MMD2: variants seen among roughly 807,000 people sequenced by gnomAD.
MMD2 encodes the protein monocyte to macrophage differentiation associated 2, also known as monocyte to macrophage differentiation factor 2.
A neutral mutation model predicts 33.5 loss-of-function variants in MMD2; 30 were observed. The ratio of observed to expected loss-of-function variants is 0.90; its 90% CI spans 0.67 to 1.22. The LOEUF (loss-of-function observed/expected upper bound fraction) is 1.22. MMD2 is among the 50% of genes most tolerant of loss of function. The pLI is 0.00. For missense variants in MMD2, 364 were observed against 325.4 expected (o/e 1.12, Z -0.91); for synonymous variants, 129 against 123.0 (o/e 1.05, Z -0.32).
chr7:4,921,384 G>T (rs1785279865), intron 2 of MMD2, among the ~76,000 whole-genome samples: 1 of 151,974 alleles, frequency 6.6e-6, no homozygotes, highest in East Asian at 1.9e-4. Context: ...ACTTTAGGAG[G>T]CCGAGGCGGG....
At chr7:4,893,072 G>A in the MMD2 span, among the ~76,000 whole-genome samples, 1 of 152,068 alleles carries the variant, frequency 6.6e-6, no homozygotes, top group East Asian at 1.9e-4. Context: ...CTATGCACTC[G>A]TCTTGCTGTA....
At chr7:4,939,375 C>A (rs1369346643) in intron 1 of MMD2, among the ~76,000 whole-genome samples, 2 of 147,242 alleles carry the variant, frequency 1.4e-5, no homozygotes, top group African/African-American at 2.5e-5. Flanking sequence ...CCTTTCTCTA[C>A]AAAAAAAAAA....
rs1784866363 is a variant in MMD2, at chr7:4,906,317, C to T, written c.*1079G>A. 5.1e-6 allele frequency: 2 copies of T among 394,458 alleles called. No individual in the cohort carries two copies. Among genetic ancestry groups the T allele is most frequent in the Non-Finnish European group, 8.9e-6 (2 of 223,896 alleles). 24.4% of individuals were successfully genotyped at this position (394,458 alleles called of 1,614,324 possible). On this transcript the variant is annotated 3_prime_UTR_variant, in exon 7 of 7. Coordinates refer to ENST00000401401, the MANE Select transcript of MMD2 (RefSeq NM_198403.4). ...CCCCAGCAGCCTTGTTGTTGGGCTA[C>T]TGAGCACTTCAGAGGTTGGGAGGAC...
intron 1 of MMD2, among the ~76,000 whole-genome samples, chr7:4,930,671 G>A (rs1458949083): frequency 8.1e-6 from 1 of 122,952 alleles, no homozygotes; most frequent in Non-Finnish European, 1.7e-5. Flanking sequence ...AAGAGACAGA[G>A]AGGACAACAT....
chr7:4,927,296 G>A (rs898702515), intron 1 of MMD2, among the ~76,000 whole-genome samples: 3 of 152,028 alleles, frequency 2.0e-5, no homozygotes, highest in Non-Finnish European at 4.4e-5. Context: ...CGTAATCCCA[G>A]CACTTTAAGA....
chr7:4,917,379 T>G (rs994774116), intron 3 of MMD2, among the ~76,000 whole-genome samples: 1 of 152,070 alleles, frequency 6.6e-6, no homozygotes, highest in African/African-American at 2.4e-5. Flanking sequence ...CCAGCTGTTT[T>G]GGCCAGGCAT....
intron 5 of MMD2, among the ~76,000 whole-genome samples, chr7:4,910,485 C>A (rs1046939595): frequency 2.0e-5 from 3 of 152,096 alleles, no homozygotes; most frequent in Non-Finnish European, 4.4e-5. Context: ...CCCCATCACT[C>A]GAAAGAATGG....
chr7:4,942,704 G>GGGTTCAAGCTCC (rs1562492515), intron 1 of MMD2, among the ~76,000 whole-genome samples: 1 of 151,678 alleles, frequency 6.6e-6, no homozygotes, highest in East Asian at 1.9e-4. Flanking sequence ...CCTCTGCCTC[G>GGGTTCAAGCTCC]CGGGTTCAAG....
At chr7:4,938,634 G>C (rs1031321819) in intron 1 of MMD2, among the ~76,000 whole-genome samples, 2 of 151,984 alleles carry the variant, frequency 1.3e-5, no homozygotes, top group African/African-American at 4.8e-5. Flanking sequence ...ACAAACATTC[G>C]AAACACAGCA....
chr7:4,943,464 C>T (rs972380919), intron 1 of MMD2, among the ~76,000 whole-genome samples: 1 of 152,146 alleles, frequency 6.6e-6, no homozygotes, highest in Non-Finnish European at 1.5e-5. Context: ...TTTCAACTCA[C>T]ACCCTACCCA....
rs1786095157 is a variant in MMD2, at chr7:4,946,655, C to A, written c.47+12316G>T. On this transcript the variant is annotated intron_variant, in intron 1 of 6. Transcript: ENST00000401401. The surrounding 1 kb of genome is among the most constrained non-coding windows in gnomAD (Gnocchi z 5.0). ...TTAGAGCCCTCATGGATCAACCTAG[C>A]ACCACGGGTGGCAGGTCTACCAGAT... Among the ~76,000 whole-genome samples the A allele has an allele frequency of 6.6e-6, 1 of 152,168 alleles. No individual in the cohort carries two copies. Among genetic ancestry groups the A allele is most frequent in the Non-Finnish European group, 1.5e-5 (1 of 68,028 alleles).
intron 1 of MMD2, among the ~76,000 whole-genome samples, chr7:4,954,312 A>G (rs2115165587): frequency 6.6e-6 from 1 of 152,128 alleles, no homozygotes; most frequent in African/African-American, 2.4e-5. Flanking sequence ...TTCTCTATAT[A>G]TTTTGGATAT....
the MMD2 span, among the ~76,000 whole-genome samples, chr7:4,898,938 G>GAAGC: frequency 9.9e-5 from 15 of 151,506 alleles, no homozygotes; most frequent in Non-Finnish European, 1.5e-4. Context: ...AGGAAGGAAG[G>GAAGC]AAGCAAGCAA....
chr7:4,947,583 C>T (rs754265188), intron 1 of MMD2, among the ~76,000 whole-genome samples: 10 of 148,722 alleles, frequency 6.7e-5, no homozygotes, highest in African/African-American at 1.2e-4. Context: ...TTAGTAGAGA[C>T]GGGGTTTCAC....
intron 1 of MMD2, among the ~76,000 whole-genome samples, chr7:4,942,126 G>C (rs1197971938): frequency 6.6e-6 from 1 of 151,608 alleles, no homozygotes; most frequent in Admixed American, 6.6e-5. Context: ...GCTAATTTTT[G>C]TATTTTTAGT....
At chr7:4,957,578 G>A (rs1320712085) in intron 1 of MMD2, among the ~76,000 whole-genome samples, 3 of 152,000 alleles carry the variant, frequency 2.0e-5, no homozygotes, top group Non-Finnish European at 4.4e-5. Flanking sequence ...GAAACCAGGA[G>A]GTGGAGGTTG....
At chr7:4,916,923 T>A (rs948517882) in intron 3 of MMD2, among the ~76,000 whole-genome samples, 2 of 151,974 alleles carry the variant, frequency 1.3e-5, no homozygotes, top group African/African-American at 4.8e-5. Flanking sequence ...ATTAGGAAGA[T>A]CAGCCAGGCA....
intron 4 of MMD2, among the ~76,000 whole-genome samples, chr7:4,912,561 C>CA (rs1193941557): frequency 2.7e-3 from 317 of 116,432 alleles, no homozygotes; most frequent in East Asian, 9.8e-3. Flanking sequence ...GACTCTGTCT[C>CA]AAAAAAAAAA....
downstream of MMD2, among the ~76,000 whole-genome samples, chr7:4,902,328 T>C (rs1784805559): frequency 6.6e-6 from 1 of 152,218 alleles, no homozygotes; most frequent in Non-Finnish European, 1.5e-5. Context: ...TGTGTTTCCT[T>C]GCAAGCAGCC....
Sources: gnomAD v4.1 joint callset for allele counts (sites outside exome capture counted in the v4.1 genomes callset) on GRCh38, gnomAD v4.1.1 for gene constraint, Gnocchi (gnomAD v3.1) non-coding constraint, MANE v1.5 for transcripts, NCBI Gene and HGNC (gene_info 2026-07-23, HGNC 2026-07-21) for gene names.